DOCK3: variants seen among roughly 807,000 people sequenced by gnomAD.
DOCK3 encodes dedicator of cytokinesis 3, also known as dedicator of cytokinesis protein 3.
A neutral mutation model predicts 265.6 loss-of-function variants in DOCK3; 60 were observed. The ratio of observed to expected loss-of-function variants is 0.23; its 90% confidence interval spans 0.18 to 0.28. The LOEUF is 0.28. DOCK3 is among the 10% of genes least tolerant of loss of function. The probability of loss-of-function intolerance (pLI) is 1.00; values close to 1 mark genes in which losing one functional copy is unlikely to be tolerated. For synonymous variants in DOCK3, 881 were observed against 938.0 expected, an observed-to-expected ratio of 0.94 and a Z score of 1.11; for missense variants, 1,981 against 2,594.3, an observed-to-expected ratio of 0.76 and a Z score of 5.14.
At chr3:51,253,994 G>A (rs62257499) in intron 22 of DOCK3, among the ~76,000 whole-genome samples, 124,944 of 152,132 alleles carry the variant, frequency 0.82, 51,902 homozygotes, top group Middle Eastern at 0.9. Context: ...GTTTTCTCCT[G>A]TGGGCATTTG....
At chr3:51,345,063 C>A (rs997635677) in intron 38 of DOCK3, among the ~76,000 whole-genome samples, 1 of 152,214 alleles carries the variant, frequency 6.6e-6, no homozygotes, top group Non-Finnish European at 1.5e-5. Context: ...TCTAAATGAG[C>A]AGTCTCCCAT....
At chr3:50,823,172 T>TTTATTTA (rs1430922713) in intron 2 of DOCK3, among the ~76,000 whole-genome samples, 1 of 148,408 alleles carries the variant, frequency 6.7e-6, no homozygotes, top group Non-Finnish European at 1.5e-5. Context: ...TTATTTATTT[T>TTTATTTA]TTTTTATTGA....
intron 6 of DOCK3, 130 bp downstream of exon 6, chr3:51,064,726 A>G (rs2081532319): frequency 3.3e-6 from 4 of 1,229,194 alleles, no homozygotes; most frequent in Non-Finnish European, 4.4e-6. Context: ...CTAAGCTTTC[A>G]TCATTTTTGC....
rs531772230 is a variant in DOCK3 at position 50,793,485 on chromosome 3, T to C, written c.121+14727T>C. ...GTGATTCTCCTGCCTCAGCCTCCCG[T>C]AGGTGGGATTACAGGCATGTGCCAC... On this transcript the variant is annotated intron_variant, in intron 2 of 52. Coordinates refer to ENST00000266037, the MANE Select transcript of DOCK3 (RefSeq NM_004947.5). Among the ~76,000 whole-genome samples, 5 of 151,654 alleles carry C rather than the reference T, an allele frequency of 3.3e-5. No homozygotes were observed. In the South Asian group the frequency reaches 1.0e-3, roughly 32 times the overall value.
intron 9 of DOCK3, among the ~76,000 whole-genome samples, chr3:51,094,603 A>C (rs2082758282): frequency 6.6e-6 from 1 of 151,708 alleles, no homozygotes; most frequent in South Asian, 2.1e-4. Context: ...TGATCTTTAC[A>C]AAAAAATGAA....
chr3:51,115,250 C>T (rs968487749), intron 9 of DOCK3, among the ~76,000 whole-genome samples: 1 of 152,194 alleles, frequency 6.6e-6, no homozygotes, highest in Non-Finnish European at 1.5e-5. Context: ...AACTACTTTA[C>T]ACTCCCACCA....
intron 9 of DOCK3, among the ~76,000 whole-genome samples, chr3:51,127,779 T>G (rs936260366): frequency 6.6e-6 from 1 of 152,172 alleles, no homozygotes; most frequent in Non-Finnish European, 1.5e-5. Flanking sequence ...CAGGTCATGG[T>G]TTTTTTCCTG....
intron 3 of DOCK3, among the ~76,000 whole-genome samples, chr3:50,855,655 T>C (rs1354095772): frequency 6.7e-6 from 1 of 150,044 alleles, no homozygotes; most frequent in Non-Finnish European, 1.5e-5. Context: ...CTTTTATTTC[T>C]TATTTATTTA....
chr3:51,064,420 TC>T (rs1463880191), intron 5 of DOCK3, 27 bp from the exon 6 acceptor site: 1 of 1,612,558 alleles, frequency 6.2e-7, no homozygotes, highest in Non-Finnish European at 8.5e-7. Context: ...CTCTTGTATT[TC>T]ACCCAACACC....
At chr3:50,970,739 T>TA (rs398105865) in intron 5 of DOCK3, among the ~76,000 whole-genome samples, 2 of 147,804 alleles carry the variant, frequency 1.4e-5, no homozygotes, top group Admixed American at 6.7e-5. Context: ...TTTTTTTTTT[T>TA]AATTTAAAAC....
chr3:50,967,959 C>A (rs1365255278), intron 5 of DOCK3, among the ~76,000 whole-genome samples: 1 of 152,152 alleles, frequency 6.6e-6, no homozygotes, highest in Non-Finnish European at 1.5e-5. Context: ...AATTCTCTTA[C>A]TGTTTTCCAT....
chr3:51,244,682 C>A (rs543670048), intron 21 of DOCK3, among the ~76,000 whole-genome samples: 25 of 152,134 alleles, frequency 1.6e-4, no homozygotes, highest in African/African-American at 5.8e-4. Context: ...CTTTTTCTTG[C>A]CTAATTTCAC....
chr3:51,317,581 AAATAAT>A (rs35402276), intron 32 of DOCK3, among the ~76,000 whole-genome samples: 3,939 of 139,104 alleles, frequency 0.028, 145 homozygotes, highest in African/African-American at 0.082. Context: ...CTCCATCACA[AAATAAT>A]AATAATAATA....
chr3:51,140,404 T>C (rs149090806), intron 9 of DOCK3, among the ~76,000 whole-genome samples: 1 of 152,338 alleles, frequency 6.6e-6, no homozygotes, highest in East Asian at 1.9e-4. Flanking sequence ...GTTTTCAAGG[T>C]TCATCAACAT....
intron 22 of DOCK3, among the ~76,000 whole-genome samples, chr3:51,258,753 C>T (rs1047545020): frequency 2.6e-5 from 4 of 152,196 alleles, no homozygotes; most frequent in Non-Finnish European, 4.4e-5. Flanking sequence ...CTTTTGTCCT[C>T]TGCTGAGCCC....
chr3:51,269,112 T>TCA, intron 23 of DOCK3, among the ~76,000 whole-genome samples: 1 of 148,390 alleles, frequency 6.7e-6, no homozygotes. Flanking sequence ...TCTCTCTCTC[T>TCA]CTCACTGTCT....
chr3:50,789,405 A>G (rs1057311043), intron 2 of DOCK3, among the ~76,000 whole-genome samples: 19 of 152,150 alleles, frequency 1.2e-4, no homozygotes, highest in East Asian at 1.9e-4. Context: ...AATATGATCT[A>G]TCTTGGAGAA....
chr3:50,868,947 G>A (rs371360616), intron 3 of DOCK3, among the ~76,000 whole-genome samples: 6 of 73,946 alleles, frequency 8.1e-5, no homozygotes, highest in East Asian at 3.1e-4. Flanking sequence ...AAAGTTTGTC[G>A]GTTTTGTTTA....
At chr3:51,131,201 C>G (rs1424528628) in intron 9 of DOCK3, among the ~76,000 whole-genome samples, 1 of 152,068 alleles carries the variant, frequency 6.6e-6, no homozygotes, top group Admixed American at 6.5e-5. Context: ...GTCAGATGAC[C>G]CACTGTAAGT....
Sources: gnomAD v4.1 joint callset for allele counts (sites outside exome capture counted in the v4.1 genomes callset) on GRCh38, gnomAD v4.1.1 for gene constraint, MANE v1.5 for transcripts, NCBI Gene and HGNC (gene_info 2026-07-23, HGNC 2026-07-21) for gene names.